ENDOU: variants seen among roughly 807,000 people sequenced by gnomAD.
ENDOU encodes uridylate-specific endoribonuclease.
ENDOU carries 49 observed loss-of-function variants against 54.2 expected under a neutral mutation model. The observed-to-expected ratio is 0.90, with a 90% CI of 0.72 to 1.15. The LOEUF is 1.15. Among genes scored for constraint, ENDOU ranks in the 50% most tolerant of loss-of-function variants. The pLI is 0.00. For synonymous variants in ENDOU, 172 were observed against 190.5 expected, an observed-to-expected ratio of 0.90 and a Z score of 0.80; for missense variants, 458 against 511.4, an observed-to-expected ratio of 0.90 and a Z score of 1.01.
At position 47,710,999 on chromosome 12, in the gene ENDOU, T is replaced by C. The variant is rs577225455; in HGVS notation, c.1116-80A>G. 7.1e-5 allele frequency: 65 copies of C among 909,322 alleles called. 1 individual carries two copies. In the African/African-American group the frequency reaches 1.0e-3, roughly 14 times the overall value. 56.3% of individuals were successfully genotyped at this position (909,322 alleles called of 1,614,324 possible). On this transcript the variant is annotated intron_variant, in intron 9 of 9. Coordinates refer to ENST00000422538, the MANE Select transcript of ENDOU (RefSeq NM_001172439.2). ...CTGGGCTGGAAGGATCAAGCCCAACTGAAGCAGAAGGGCTCCATTCTGCTT... is the reference window on the plus strand; with the variant it reads ...CTGGGCTGGAAGGATCAAGCCCAACCGAAGCAGAAGGGCTCCATTCTGCTT...
chr12:47,712,060 C>T (rs1181236440), intron 8 of ENDOU, among the ~76,000 whole-genome samples: 1 of 152,168 alleles, frequency 6.6e-6, no homozygotes, highest in African/African-American at 2.4e-5. Flanking sequence ...TCACTGTTCC[C>T]AGTGGCCCTC....
At position 47,720,740 on chromosome 12, in the gene ENDOU, C is replaced by T. The variant is rs1479979127; in HGVS notation, c.178+13G>A. On this transcript the variant is annotated intron_variant, in intron 2 of 9. Transcript: ENST00000422538. Reference sequence around the variant, plus strand: ...ACAGGCTGGACATGCCTTCGTCTCACAAGGAGGCTCACCAGTACACAGATG... The same window carrying T: ...ACAGGCTGGACATGCCTTCGTCTCATAAGGAGGCTCACCAGTACACAGATG... 6.5e-7 allele frequency: 1 copy of T among 1,535,638 alleles called. No homozygotes were observed. The highest frequency in any genetic ancestry group is 2.4e-5 in the East Asian group (1 of 40,924).
Position 47,720,804 on chromosome 12 carries a change from G to T in ENDOU, c.127C>A (p.Arg43=), listed in dbSNP as rs1029433690. 6.5e-7 allele frequency: 1 copy of T among 1,535,986 alleles called. No individual in the cohort carries two copies. Among genetic ancestry groups the T allele is most frequent in the Non-Finnish European group, 8.7e-7 (1 of 1,146,892 alleles). ...CAGCAGTTCCCATGCCAGAGACACC[G>T]GCGGTCACACTGGCAGGCAGCGTCC... The part of the protein sequence containing the change: ...NRDAACQCDR[R]CLWHGNCCED... The change falls in exon 2 of 10, where the codon CGG becomes AGG. Residue 43 remains arginine (R), a synonymous_variant. Transcript: ENST00000422538.
At chr12:47,716,775 T>C in intron 5 of ENDOU, 115 bp downstream of exon 5, 1 of 1,107,332 alleles carries the variant, frequency 9.0e-7, no homozygotes, top group Non-Finnish European at 1.3e-6. Flanking sequence ...AGAACTATTT[T>C]TTTTCTGCTC....
rs748782871 is a variant in ENDOU, at chr12:47,716,510, C to A, written c.552-11G>T. On this transcript the variant is annotated splice_polypyrimidine_tract_variant and intron_variant, in intron 5 of 9. Coordinates refer to ENST00000422538, the MANE Select transcript of ENDOU (RefSeq NM_001172439.2). The stretch of plus-strand genomic sequence containing the variant: ...ACATAAGTGAAGAGTCTGGGGGAGG[C>A]AGAGGGGAGCCCCACTGAGAGCCCC... 6.2e-7 allele frequency: 1 copy of A among 1,612,328 alleles called. No individual in the cohort carries two copies. The highest frequency in any genetic ancestry group is 8.5e-7 in the Non-Finnish European group (1 of 1,179,590).
rs76573152 is a variant in ENDOU, at chr12:47,721,530, C to T, written c.56-655G>A. ...GTCTCCCCTTCTGGTCTTCTCTGCA[C>T]GCTCTTTCCCCCTGTGTCACATCTT... is the stretch of plus-strand genomic sequence containing the variant. On this transcript the variant is annotated intron_variant, in intron 1 of 9. Transcript: ENST00000422538. Among the ~76,000 whole-genome samples, 788 of 152,262 alleles carry T rather than the reference C, an allele frequency of 5.2e-3. 31 individuals carry two copies. In the East Asian group the frequency reaches 0.11, roughly 21 times the overall value.
In ENDOU at chr12:47,711,499, T is replaced by C. The variant is rs760034962; in HGVS notation, c.1115+134A>G. Reference sequence around the variant, plus strand: ...AACTTAATTGTTCAAGCAAGAGAACTGAGGCCCAAAGCACAGATTTGTCCA... The same window carrying C: ...AACTTAATTGTTCAAGCAAGAGAACCGAGGCCCAAAGCACAGATTTGTCCA... On this transcript the variant is annotated intron_variant, in intron 9 of 9. Coordinates refer to ENST00000422538, the MANE Select transcript of ENDOU (RefSeq NM_001172439.2). 9.8e-4 allele frequency: 1,048 copies of C among 1,069,142 alleles called. 2 individuals are homozygous for C. Among genetic ancestry groups the C allele is most frequent in the Non-Finnish European group, 1.2e-3 (953 of 763,448 alleles). The allele number at this position is 1,069,142 out of a possible 1,614,324, so 66.2% of individuals were successfully genotyped here. A position where few individuals can be genotyped will look rare whatever the true frequency, so the allele number is the denominator to read the frequency against.
intron 1 of ENDOU, among the ~76,000 whole-genome samples, chr12:47,723,751 C>T (rs748242311): frequency 3.9e-5 from 6 of 152,248 alleles, no homozygotes; most frequent in South Asian, 2.1e-4. Context: ...ACATCTGTAC[C>T]GTTAGAAGGC....
Position 47,716,365 on chromosome 12 carries a change from G to T in ENDOU, c.686C>A (p.Ala229Asp), listed in dbSNP as rs764768613. The T allele has an allele frequency of 1.9e-6, 3 of 1,614,198 alleles. No individual in the cohort carries two copies. The highest frequency in any genetic ancestry group is 2.5e-6 in the Non-Finnish European group (3 of 1,180,026). Residue 229 changes from alanine (A) to aspartate (D), a missense_variant, in exon 6 of 10, where the codon GCC becomes GAC. Coordinates refer to ENST00000422538, the MANE Select transcript of ENDOU (RefSeq NM_001172439.2). Reference protein sequence around the residue: ...FSAQELAEQDAFLREIMKTAV... With the variant: ...FSAQELAEQDDFLREIMKTAV... ...TGTCTTCATGATCTCTCTGAGGAAG[G>T]CGTCCTGCTCGGCCAGCTCCTGGGC...
At chr12:47,725,295 C>G in intron 1 of ENDOU, 64 bp downstream of exon 1, 1 of 1,579,650 alleles carries the variant, frequency 6.3e-7, no homozygotes, top group Admixed American at 1.7e-5. Context: ...TTCTCCAACT[C>G]TCTGCTTCTT....
In ENDOU at chr12:47,713,311, C is replaced by A. The variant is rs1429614076; in HGVS notation, c.829G>T (p.Glu277Ter). 1 of 1,613,986 alleles carries A rather than the reference C, an allele frequency of 6.2e-7. No individual in the cohort carries two copies. The highest frequency in any genetic ancestry group is 1.1e-5 in the South Asian group (1 of 91,076). Reference sequence around the variant, plus strand: ...TGTTCAAAGCCACTCGAGTCCCCCTCTTCATTGCCTCTTGAATAGAGCCCA... The same window carrying A: ...TGTTCAAAGCCACTCGAGTCCCCCTATTCATTGCCTCTTGAATAGAGCCCA... ...WFGLYSRGNE[E>*]GDSSGFEHVF... Residue 277 changes from glutamate (E) to a stop codon, truncating the protein, a stop_gained, in exon 7 of 10, where the codon GAG becomes TAG. Transcript: ENST00000422538. LOFTEE classifies it high-confidence loss of function.
chr12:47,717,667 G>C lies in ENDOU; in HGVS notation c.245-12C>G. ...TGCCGAGTACAAGTCTGAGAAGAGA[G>C]GGGTGGTGTGTCCCGGGCTGACCTC... On this transcript the variant is annotated splice_polypyrimidine_tract_variant and intron_variant, in intron 3 of 9. Coordinates refer to ENST00000422538, the MANE Select transcript of ENDOU (RefSeq NM_001172439.2). 6.2e-7 allele frequency: 1 copy of C among 1,613,570 alleles called. No homozygotes were observed. The highest frequency in any genetic ancestry group is 1.3e-5 in the African/African-American group (1 of 75,036).
At chr12:47,724,470 G>A (rs1275447855) in intron 1 of ENDOU, among the ~76,000 whole-genome samples, 2 of 152,168 alleles carry the variant, frequency 1.3e-5, no homozygotes, top group East Asian at 1.9e-4. Context: ...TAATCATAGC[G>A]AATTTCCAGT....
rs375436426 is a variant in ENDOU at position 47,716,414 on chromosome 12, T to C, written c.637A>G (p.Thr213Ala). ...GCACTGAAGTGCTCCCCATGGCCTGTTGCCCGCTGGTAGTTGTTGAGGAGG... is the reference window on the plus strand; with the variant it reads ...GCACTGAAGTGCTCCCCATGGCCTGCTGCCCGCTGGTAGTTGTTGAGGAGG... The part of the protein sequence containing the change: ...INLLNNYQRA[T>A]GHGEHFSAQE... The change falls in exon 6 of 10, where the codon ACA (threonine) becomes GCA (alanine). Residue 213 changes from threonine (T) to alanine (A), a missense_variant. Physicochemically the swap from Thr to Ala is moderately conservative, Grantham distance 58. Transcript: ENST00000422538. 6.2e-7 allele frequency: 1 copy of C among 1,614,062 alleles called. No individual in the cohort carries two copies. The highest frequency in any genetic ancestry group is 1.3e-5 in the African/African-American group (1 of 74,938).
Position 47,710,714 on chromosome 12 carries a change from C to T in ENDOU, c.*88G>A, listed in dbSNP as rs771901212. The T allele has an allele frequency of 3.3e-6, 3 of 900,820 alleles. No homozygotes were observed. The Admixed American group carries it at 5.2e-5, about 16-fold the overall frequency. The allele number at this position is 900,820 out of a possible 1,614,324, so 55.8% of individuals were successfully genotyped here. On this transcript the variant is annotated 3_prime_UTR_variant, in exon 10 of 10. Transcript: ENST00000422538. ...TGCTTTGAGATTTGGTGATCCCTTC[C>T]AGTCCTCTCCCTCTTCTCTCTAGTC... is the stretch of plus-strand genomic sequence containing the variant.
intron 8 of ENDOU, 106 bp from the exon 9 acceptor site, chr12:47,711,881 G>C: frequency 7.9e-7 from 1 of 1,273,318 alleles, no homozygotes; most frequent in South Asian, 1.3e-5. Context: ...GGTCCATTAG[G>C]GGCCTGTGTG....
intron 2 of ENDOU, among the ~76,000 whole-genome samples, chr12:47,718,816 G>A (rs907389639): frequency 6.6e-6 from 1 of 152,008 alleles, no homozygotes; most frequent in Admixed American, 6.6e-5. Context: ...ATGCAGGGGG[G>A]AGAAATGTTC....
rs1370696974 is a variant in ENDOU, at chr12:47,718,205, A to G, written c.179-11T>C. On this transcript the variant is annotated splice_polypyrimidine_tract_variant and intron_variant, in intron 2 of 9. Transcript: ENST00000422538. ...ACTCTTTGTGGTCCTCTGCAGGTAG[A>G]TAGAAAAATAAAGTCACCAACAACC... 6.4e-7 allele frequency: 1 copy of G among 1,569,372 alleles called. No homozygotes were observed. Among genetic ancestry groups the G allele is most frequent in the East Asian group, 2.3e-5 (1 of 43,234 alleles).
chr12:47,716,789 C>T (rs1014020474), intron 5 of ENDOU, 101 bp downstream of exon 5: 63 of 1,259,064 alleles, frequency 5.0e-5, no homozygotes, highest in Admixed American at 2.0e-4. Context: ...TCTGCTCTCC[C>T]TTTGATCGTG....
Sources: allele counts gnomAD v4.1 joint callset (sites outside exome capture counted in the v4.1 genomes callset), GRCh38; gene constraint gnomAD v4.1.1; transcripts MANE v1.5; gene names NCBI Gene and HGNC (gene_info 2026-07-23, HGNC 2026-07-21).